The following C12orf42 variants were observed in gnomAD, a reference collection of about 807,000 sequenced individuals.
The protein encoded by C12orf42 is uncharacterized protein C12orf42.
A neutral mutation model predicts 21.6 loss-of-function variants in C12orf42; 25 were observed. The ratio of observed to expected loss-of-function variants is 1.16; its 90% CI spans 0.84 to 1.62. C12orf42 has a LOEUF of 1.62. Ranked by LOEUF, C12orf42 falls within the 40% of genes most tolerant of loss-of-function variation. The pLI is 0.00. For missense variants in C12orf42, 483 were observed against 459.3 expected (o/e 1.05, Z -0.47); for synonymous variants, 174 against 175.0 (o/e 0.99, Z 0.05).
the C12orf42 span, among the ~76,000 whole-genome samples, chr12:103,190,324 G>A: frequency 6.6e-6 from 1 of 152,136 alleles, no homozygotes; most frequent in Non-Finnish European, 1.5e-5. Context: ...AGCTTCACTG[G>A]CTGCTGATTG....
intron 4 of C12orf42, among the ~76,000 whole-genome samples, chr12:103,292,320 A>G (rs896389462): frequency 6.6e-6 from 1 of 152,176 alleles, no homozygotes; most frequent in African/African-American, 2.4e-5. Context: ...TCAAATTCAC[A>G]TACCTGTGAA....
the C12orf42 span, among the ~76,000 whole-genome samples, chr12:103,080,429 T>G: frequency 1.3e-5 from 2 of 152,202 alleles, no homozygotes; most frequent in Non-Finnish European, 1.5e-5. Context: ...CAACTTCTGT[T>G]GCTTACATCT....
the C12orf42 span, among the ~76,000 whole-genome samples, chr12:103,192,435 A>G: frequency 4.0e-5 from 6 of 151,110 alleles, no homozygotes; most frequent in Non-Finnish European, 7.4e-5. Context: ...CCTGGGAGGC[A>G]GAGGTTGCAG....
chr12:103,362,333 C>A (rs2044189224), intron 4 of C12orf42, among the ~76,000 whole-genome samples: 1 of 152,022 alleles, frequency 6.6e-6, no homozygotes, highest in South Asian at 2.1e-4. Context: ...AGGGAACACC[C>A]CATGGAACAA....
intron 4 of C12orf42, among the ~76,000 whole-genome samples, chr12:103,323,719 C>G (rs2040408185): frequency 6.6e-6 from 1 of 152,148 alleles, no homozygotes; most frequent in Non-Finnish European, 1.5e-5. Flanking sequence ...ATATGTTTCT[C>G]TCTTTCTTCT....
chr12:103,197,039 G>A, the C12orf42 span, among the ~76,000 whole-genome samples: 1 of 152,120 alleles, frequency 6.6e-6, no homozygotes, highest in South Asian at 2.1e-4. Context: ...GTGTGTTTTT[G>A]TGGTAGCTGG....
intron 2 of C12orf42, among the ~76,000 whole-genome samples, chr12:103,424,647 T>C (rs1360662181): frequency 6.6e-6 from 1 of 152,218 alleles, no homozygotes; most frequent in East Asian, 1.9e-4. Flanking sequence ...CCGGATACTA[T>C]GCTTTTCCCA....
intron 2 of C12orf42, among the ~76,000 whole-genome samples, chr12:103,435,875 C>T (rs1298912170): frequency 2.0e-5 from 3 of 151,510 alleles, no homozygotes; most frequent in Non-Finnish European, 2.9e-5. Flanking sequence ...GGCAGGCCAA[C>T]GTTCAGATTC....
At chr12:103,070,743 A>T in the C12orf42 span, among the ~76,000 whole-genome samples, 3 of 152,158 alleles carry the variant, frequency 2.0e-5, no homozygotes, top group Admixed American at 2.0e-4. Flanking sequence ...TGGTCAAGGA[A>T]GGTAGTGACT....
chr12:103,502,044 C>T, the C12orf42 span, among the ~76,000 whole-genome samples: 1 of 152,184 alleles, frequency 6.6e-6, no homozygotes, highest in Non-Finnish European at 1.5e-5. Flanking sequence ...CTTCAGCCCA[C>T]CCTAGCTGTT....
At chr12:103,103,790 C>A in the C12orf42 span, among the ~76,000 whole-genome samples, 2 of 151,336 alleles carry the variant, frequency 1.3e-5, no homozygotes, top group African/African-American at 2.4e-5. Flanking sequence ...TAATCAATTT[C>A]ATATAATAGC....
At chr12:103,306,670 A>G (rs965541596) in intron 4 of C12orf42, among the ~76,000 whole-genome samples, 5 of 152,268 alleles carry the variant, frequency 3.3e-5, no homozygotes, top group East Asian at 1.9e-4. Context: ...ACAGGTCACA[A>G]AGCTAGTTTT....
intron 2 of C12orf42, among the ~76,000 whole-genome samples, chr12:103,471,687 C>A (rs1282079917): frequency 6.6e-6 from 1 of 152,186 alleles, no homozygotes; most frequent in Admixed American, 6.5e-5. Context: ...AGCTTACAAG[C>A]TTTTGGTCTA....
the C12orf42 span, among the ~76,000 whole-genome samples, chr12:103,160,202 T>C: frequency 1.1e-4 from 16 of 152,262 alleles, no homozygotes; most frequent in East Asian, 3.1e-3. Flanking sequence ...TGTCCTAACA[T>C]CAAAAATTCC....
At chr12:103,125,707 G>T in the C12orf42 span, among the ~76,000 whole-genome samples, 1 of 152,132 alleles carries the variant, frequency 6.6e-6, no homozygotes, top group Non-Finnish European at 1.5e-5. Context: ...AGGACCCCGG[G>T]TCAGATGACA....
At chr12:103,230,602 C>T in the C12orf42 span, among the ~76,000 whole-genome samples, 1 of 152,178 alleles carries the variant, frequency 6.6e-6, no homozygotes, top group East Asian at 1.9e-4. Flanking sequence ...AAAGATGCCA[C>T]ATTTGACAAG....
chr12:103,229,028 A>C, the C12orf42 span, among the ~76,000 whole-genome samples: 2 of 152,160 alleles, frequency 1.3e-5, no homozygotes, highest in Non-Finnish European at 2.9e-5. Context: ...AGTCATTCAC[A>C]TTAATTGCAC....
chr12:103,349,575 C>T (rs573925824), intron 4 of C12orf42, among the ~76,000 whole-genome samples: 1 of 152,154 alleles, frequency 6.6e-6, no homozygotes, highest in South Asian at 2.1e-4. Flanking sequence ...GCAAATTTTA[C>T]TTTTCATCTC....
chr12:103,336,988 C>G (rs940699874), intron 4 of C12orf42, among the ~76,000 whole-genome samples: 3 of 152,160 alleles, frequency 2.0e-5, no homozygotes, highest in Non-Finnish European at 4.4e-5. Flanking sequence ...GAAGGCTGGG[C>G]TGGGGTGAAG....
Sources: gnomAD v4.1 joint callset for allele counts (sites outside exome capture counted in the v4.1 genomes callset) on GRCh38, gnomAD v4.1.1 for gene constraint, MANE v1.5 for transcripts, NCBI Gene and HGNC (gene_info 2026-07-23, HGNC 2026-07-21) for gene names.